The following PTPRM variants were observed in gnomAD, a reference collection of about 807,000 sequenced individuals.
The protein encoded by PTPRM is protein tyrosine phosphatase receptor type M, also known as receptor-type tyrosine-protein phosphatase mu.
A neutral mutation model predicts 186.7 loss-of-function variants in PTPRM; 47 were observed. That is an observed-to-expected ratio of 0.25 (90% CI 0.20 to 0.32). The LOEUF (loss-of-function observed/expected upper bound fraction) is 0.32, where lower values mean the gene tolerates loss of function less well. Among genes scored for constraint, PTPRM ranks in the 10% least tolerant of loss-of-function variants. The pLI, the probability that PTPRM is intolerant of heterozygous loss-of-function variation, is 1.00. For missense variants in PTPRM, 1,494 were observed against 1,865.0 expected (o/e 0.80, Z 3.66); for synonymous variants, 668 against 674.9 (o/e 0.99, Z 0.16).
intron 2 of PTPRM, among the ~76,000 whole-genome samples, chr18:7,842,442 A>G (rs1226793030): frequency 1.3e-5 from 2 of 152,208 alleles, no homozygotes; most frequent in Non-Finnish European, 2.9e-5. Flanking sequence ...CCACTTGGCC[A>G]GGTAGTGGTG....
In PTPRM at chr18:8,400,905, G is replaced by A. The variant is rs942578574; in HGVS notation, c.4345-5204G>A. ...GTGTGTGCATGTGTTGGGGTGGTGA[G>A]TGCAGGAGTTGGGTGGGAATCAGAG... On this transcript the variant is annotated intron_variant, in intron 32 of 32. Transcript: ENST00000580170. 2.0e-5 allele frequency among the ~76,000 whole-genome samples: 3 copies of A among 152,162 alleles called. No homozygotes were observed. In the South Asian group the frequency reaches 6.2e-4, roughly 32 times the overall value.
intron 13 of PTPRM, among the ~76,000 whole-genome samples, chr18:8,129,981 G>T (rs771168612): frequency 6.6e-6 from 1 of 152,282 alleles, no homozygotes; most frequent in East Asian, 1.9e-4. Context: ...AGTGTGAAAC[G>T]TGTTCTTCCA....
chr18:7,802,234 AG>A (rs1375992097), intron 2 of PTPRM, among the ~76,000 whole-genome samples: 1 of 152,170 alleles, frequency 6.6e-6, no homozygotes, highest in Admixed American at 6.5e-5. Context: ...CTGTTTGCTC[AG>A]GGTCCCGCTG....
At chr18:8,140,089 C>A (rs886727251) in intron 13 of PTPRM, among the ~76,000 whole-genome samples, 1 of 152,172 alleles carries the variant, frequency 6.6e-6, no homozygotes, top group Non-Finnish European at 1.5e-5. Flanking sequence ...GCTGTCCCTG[C>A]GGCTCTTCCT....
At chr18:8,009,319 A>G (rs2084377123) in intron 7 of PTPRM, among the ~76,000 whole-genome samples, 1 of 139,180 alleles carries the variant, frequency 7.2e-6, no homozygotes, top group Non-Finnish European at 1.6e-5. Flanking sequence ...ATTGGCTTCC[A>G]TAACTTTTTT....
chr18:8,174,090 A>T (rs939354768), intron 14 of PTPRM, among the ~76,000 whole-genome samples: 1 of 151,752 alleles, frequency 6.6e-6, no homozygotes, highest in African/African-American at 2.4e-5. Flanking sequence ...GGCCAATCTT[A>T]GATTTTACAA....
intron 23 of PTPRM, among the ~76,000 whole-genome samples, chr18:8,366,390 C>T (rs908949045): frequency 2.6e-5 from 4 of 152,146 alleles, no homozygotes; most frequent in Non-Finnish European, 4.4e-5. Flanking sequence ...TCAGACCTAC[C>T]GAATTTATTC....
At chr18:8,238,698 T>C (rs1451799606) in intron 14 of PTPRM, among the ~76,000 whole-genome samples, 1 of 128,148 alleles carries the variant, frequency 7.8e-6, no homozygotes, top group African/African-American at 2.8e-5. Flanking sequence ...AAGCTACACA[T>C]GGTGTATTGA....
chr18:8,268,858 T>G (rs1244956603), intron 19 of PTPRM, among the ~76,000 whole-genome samples: 1 of 152,060 alleles, frequency 6.6e-6, no homozygotes, highest in Non-Finnish European at 1.5e-5. Context: ...GAAAAGGCAT[T>G]TCTCAAAATT....
At chr18:8,337,793 G>A (rs1241983085) in intron 22 of PTPRM, among the ~76,000 whole-genome samples, 6 of 152,152 alleles carry the variant, frequency 3.9e-5, no homozygotes, top group Non-Finnish European at 8.8e-5. Context: ...GGGAAGGAGC[G>A]TGAGGGAGAT....
chr18:8,268,317 G>C (rs755363709), intron 19 of PTPRM, among the ~76,000 whole-genome samples: 4 of 152,066 alleles, frequency 2.6e-5, no homozygotes, highest in African/African-American at 4.8e-5. Context: ...TAAGATTAAA[G>C]TATGCCAACT....
chr18:7,886,832 G>T (rs993850562), intron 2 of PTPRM, among the ~76,000 whole-genome samples: 5 of 152,126 alleles, frequency 3.3e-5, no homozygotes, highest in Non-Finnish European at 7.3e-5. Context: ...CTCTTAATCG[G>T]TGAAGGATAT....
Position 8,290,233 on chromosome 18 carries a change from T to A in PTPRM, c.2755-6135T>A, listed in dbSNP as rs149010878. On this transcript the variant is annotated intron_variant, in intron 19 of 32. Coordinates refer to ENST00000580170, the MANE Select transcript of PTPRM (RefSeq NM_001105244.2). The stretch of plus-strand genomic sequence containing the variant: ...CCTTCTTTCAGGGTGATGATTTTAG[T>A]CATTTTACATGCACAATTTTATTCA... Among the ~76,000 whole-genome samples, 1,178 of 152,298 alleles carry A rather than the reference T, an allele frequency of 7.7e-3. 5 individuals are homozygous for A. Among genetic ancestry groups the A allele is most frequent in the Middle Eastern group, 0.034 (10 of 294 alleles).
At chr18:8,134,929 T>C (rs2092603416) in intron 13 of PTPRM, among the ~76,000 whole-genome samples, 1 of 152,194 alleles carries the variant, frequency 6.6e-6, no homozygotes, top group Non-Finnish European at 1.5e-5. Flanking sequence ...CCATTCCTTC[T>C]CTTTCACTGA....
At chr18:7,665,093 A>G (rs1317215010) in intron 1 of PTPRM, among the ~76,000 whole-genome samples, 3 of 152,110 alleles carry the variant, frequency 2.0e-5, no homozygotes, top group African/African-American at 7.2e-5. Context: ...CTAAGTGTGA[A>G]TGTATTTCCT....
chr18:8,258,044 T>G (rs2094591251), intron 19 of PTPRM, among the ~76,000 whole-genome samples: 1 of 152,230 alleles, frequency 6.6e-6, no homozygotes, highest in African/African-American at 2.4e-5. Flanking sequence ...GATGCAATAA[T>G]TTGATTCAAA....
At chr18:7,911,939 G>A (rs368956712) in intron 4 of PTPRM, among the ~76,000 whole-genome samples, 66 of 131,866 alleles carry the variant, frequency 5.0e-4, no homozygotes, top group African/African-American at 1.6e-3. Context: ...TGCAACCTCC[G>A]CCTCCCACGT....
At chr18:7,760,958 G>A (rs911147346) in intron 1 of PTPRM, among the ~76,000 whole-genome samples, 1 of 152,084 alleles carries the variant, frequency 6.6e-6, no homozygotes, top group African/African-American at 2.4e-5. Context: ...CTTGGTCCAG[G>A]GTTGTTCTCT....
chr18:8,327,963 A>T (rs1483982111), intron 22 of PTPRM, among the ~76,000 whole-genome samples: 2 of 152,202 alleles, frequency 1.3e-5, no homozygotes, highest in South Asian at 4.1e-4. Flanking sequence ...ACAAACTTTT[A>T]TGTGAAAATA....
Sources: allele counts gnomAD v4.1 joint callset (sites outside exome capture counted in the v4.1 genomes callset), GRCh38; gene constraint gnomAD v4.1.1; transcripts MANE v1.5; gene names NCBI Gene and HGNC (gene_info 2026-07-23, HGNC 2026-07-21).